Variants in GLIS3 observed in about 807,000 individuals in gnomAD.
GLIS3 encodes the protein zinc finger protein GLIS3.
In GLIS3, 53 loss-of-function variants were observed where a neutral mutation model predicts 78.6. The ratio of observed to expected loss-of-function variants is 0.67; its 90% confidence interval spans 0.54 to 0.85. The LOEUF (loss-of-function observed/expected upper bound fraction) is 0.85. Ranked by LOEUF, GLIS3 falls within the 40% of genes least tolerant of loss-of-function variation. The probability of loss-of-function intolerance (pLI) is 0.00; values close to 1 mark genes in which losing one functional copy is unlikely to be tolerated. For synonymous variants in GLIS3, 684 were observed against 509.9 expected, an observed-to-expected ratio of 1.34 and a Z score of -4.60; for missense variants, 1,703 against 1,231.1, an observed-to-expected ratio of 1.38 and a Z score of -5.74.
chr9:4,396,866 G>T, the GLIS3 span, among the ~76,000 whole-genome samples: 1 of 151,962 alleles, frequency 6.6e-6, no homozygotes, highest in Non-Finnish European at 1.5e-5. Flanking sequence ...GCCTGAGTAC[G>T]TCTGAGCAAG....
intron 2 of GLIS3, among the ~76,000 whole-genome samples, chr9:4,226,117 T>C (rs1821747556): frequency 1.3e-5 from 2 of 152,232 alleles, no homozygotes; most frequent in Non-Finnish European, 2.9e-5. Flanking sequence ...TTTAAATTAC[T>C]AATTCCTGCC....
chr9:4,153,224 T>G (rs764959804), intron 2 of GLIS3, among the ~76,000 whole-genome samples: 6 of 152,030 alleles, frequency 3.9e-5, no homozygotes, highest in Non-Finnish European at 7.4e-5. Context: ...GACAATGAAT[T>G]CTAACTTGGA....
chr9:4,229,233 T>C (rs1360986469), intron 2 of GLIS3, among the ~76,000 whole-genome samples: 1 of 152,206 alleles, frequency 6.6e-6, no homozygotes, highest in East Asian at 1.9e-4. Flanking sequence ...ATTAGAGAGA[T>C]TTGCTTTCGC....
chr9:4,293,439 G>T (rs932621538), intron 1 of GLIS3, among the ~76,000 whole-genome samples: 1 of 152,174 alleles, frequency 6.6e-6, no homozygotes. Flanking sequence ...CATCACTGCG[G>T]AAGTATGAAC....
rs541235693 is a variant in GLIS3 at position 4,256,466 on chromosome 9, T to C, written c.388+29572A>G. 6.4e-4 allele frequency among the ~76,000 whole-genome samples: 98 copies of C among 152,314 alleles called. 1 individual carries two copies. In the Middle Eastern group the frequency reaches 0.017, roughly 26 times the overall value. On this transcript the variant is annotated intron_variant, in intron 2 of 10. Transcript: ENST00000381971. The stretch of plus-strand genomic sequence containing the variant: ...TTTCACCTCTTAAATTGTGAAAGAT[T>C]AAAAATTATGATGTTGAATGCCGGT...
intron 4 of GLIS3, among the ~76,000 whole-genome samples, chr9:3,997,067 G>C (rs1435481695): frequency 6.6e-6 from 1 of 152,166 alleles, no homozygotes; most frequent in Non-Finnish European, 1.5e-5. Flanking sequence ...TTGAGTTGCG[G>C]CCGGGCGCGG....
the GLIS3 span, among the ~76,000 whole-genome samples, chr9:4,444,043 G>C: frequency 6.2e-4 from 95 of 152,152 alleles, 2 homozygotes; most frequent in East Asian, 0.011. Flanking sequence ...AGGCACCCCA[G>C]AAAAAAATAA....
chr9:4,117,693 G>A, intron 4 of GLIS3, 75 bp downstream of exon 4: 4 of 1,571,466 alleles, frequency 2.5e-6, no homozygotes, highest in South Asian at 2.2e-5. Context: ...CATGGGCCGA[G>A]TTAGGAAAAA....
intron 2 of GLIS3, among the ~76,000 whole-genome samples, chr9:4,152,986 G>C (rs983671529): frequency 6.6e-6 from 1 of 152,148 alleles, no homozygotes. Context: ...GGCATTTTGT[G>C]TTCCATAGTT....
chr9:4,355,344 G>A, the GLIS3 span, among the ~76,000 whole-genome samples: 1 of 152,044 alleles, frequency 6.6e-6, no homozygotes, highest in Non-Finnish European at 1.5e-5. Context: ...GTAAGGCAGG[G>A]CTCATTTAGG....
At chr9:3,967,866 T>C (rs1004045360) in intron 4 of GLIS3, among the ~76,000 whole-genome samples, 2 of 152,220 alleles carry the variant, frequency 1.3e-5, no homozygotes, top group African/African-American at 4.8e-5. Context: ...TTCACACTTA[T>C]TATTTTAAGG....
intron 1 of GLIS3, among the ~76,000 whole-genome samples, chr9:4,293,775 G>A (rs1230856000): frequency 2.0e-5 from 3 of 152,214 alleles, no homozygotes; most frequent in African/African-American, 7.2e-5. Flanking sequence ...GACAGGATCT[G>A]ATCTTGCATT....
At chr9:4,060,420 G>A (rs1312685445) in intron 4 of GLIS3, among the ~76,000 whole-genome samples, 1 of 152,130 alleles carries the variant, frequency 6.6e-6, no homozygotes, top group African/African-American at 2.4e-5. Context: ...CTAATAGGTG[G>A]TGTTATGATT....
intron 2 of GLIS3, among the ~76,000 whole-genome samples, chr9:4,146,978 G>A (rs1834270796): frequency 6.6e-6 from 1 of 152,082 alleles, no homozygotes; most frequent in Non-Finnish European, 1.5e-5. Flanking sequence ...AGAGTCAAAT[G>A]CACTAGATCT....
At chr9:4,367,958 A>G in the GLIS3 span, among the ~76,000 whole-genome samples, 31 of 152,228 alleles carry the variant, frequency 2.0e-4, no homozygotes, top group Non-Finnish European at 4.3e-4. Flanking sequence ...GGCCAAACCT[A>G]TAAGAAAGAA....
chr9:4,452,167 G>A, the GLIS3 span, among the ~76,000 whole-genome samples: 9 of 152,120 alleles, frequency 5.9e-5, no homozygotes, highest in African/African-American at 1.9e-4. Context: ...TTGATGGAAC[G>A]TATCTCAAAA....
intron 4 of GLIS3, among the ~76,000 whole-genome samples, chr9:4,056,160 C>T (rs182953773): frequency 6.6e-6 from 1 of 152,270 alleles, no homozygotes; most frequent in South Asian, 2.1e-4. Flanking sequence ...AGAATGGCAC[C>T]AAATGGGGTT....
intron 2 of GLIS3, among the ~76,000 whole-genome samples, chr9:4,177,594 C>T (rs1299932315): frequency 1.3e-5 from 2 of 152,160 alleles, no homozygotes; most frequent in African/African-American, 4.8e-5. Flanking sequence ...TAATAAAATC[C>T]TACTGAGCTT....
chr9:4,116,996 T>C (rs1205715244), intron 4 of GLIS3, among the ~76,000 whole-genome samples: 1 of 152,178 alleles, frequency 6.6e-6, no homozygotes, highest in Non-Finnish European at 1.5e-5. Context: ...AATCGTATTA[T>C]TCAAAAATAG....
Sources: allele counts gnomAD v4.1 joint callset (sites outside exome capture counted in the v4.1 genomes callset), GRCh38; gene constraint gnomAD v4.1.1; transcripts MANE v1.5; gene names NCBI Gene and HGNC (gene_info 2026-07-23, HGNC 2026-07-21).